The following SMOC2 variants were observed in gnomAD, a reference collection of about 807,000 sequenced individuals.
SMOC2 encodes the protein SPARC-related modular calcium-binding protein 2.
SMOC2 carries 39 observed loss-of-function variants against 61.4 expected under a neutral mutation model. The ratio of observed to expected loss-of-function variants is 0.64; its 90% CI spans 0.49 to 0.83. SMOC2 has a LOEUF of 0.83. Among genes scored for constraint, SMOC2 ranks in the 40% least tolerant of loss-of-function variants. The probability of loss-of-function intolerance (pLI) is 0.00; values close to 1 mark genes in which losing one functional copy is unlikely to be tolerated. For synonymous variants in SMOC2, 247 were observed against 239.9 expected, an observed-to-expected ratio of 1.03 and a Z score of -0.27; for missense variants, 556 against 592.9, an observed-to-expected ratio of 0.94 and a Z score of 0.65.
intron 7 of SMOC2, among the ~76,000 whole-genome samples, chr6:168,585,038 G>C (rs1033319712): frequency 1.3e-5 from 2 of 152,176 alleles, no homozygotes; most frequent in African/African-American, 4.8e-5. Flanking sequence ...GCTCACTGCA[G>C]CCTTGGTTAC....
intron 7 of SMOC2, among the ~76,000 whole-genome samples, chr6:168,554,594 G>A (rs1784204666): frequency 6.6e-6 from 1 of 152,228 alleles, no homozygotes; most frequent in Non-Finnish European, 1.5e-5. Context: ...TGCGTGTCCT[G>A]GAAGACCTTT....
chr6:168,619,614 T>A (rs931811936), intron 9 of SMOC2, among the ~76,000 whole-genome samples: 1 of 152,242 alleles, frequency 6.6e-6, no homozygotes, highest in African/African-American at 2.4e-5. Context: ...TCCTATCTTT[T>A]CTGAATTGAT....
intron 7 of SMOC2, among the ~76,000 whole-genome samples, chr6:168,577,671 A>G (rs1463791635): frequency 6.6e-6 from 1 of 152,134 alleles, no homozygotes; most frequent in Non-Finnish European, 1.5e-5. Flanking sequence ...GCAGTGATTC[A>G]TTCACTCCTG....
intron 2 of SMOC2, among the ~76,000 whole-genome samples, chr6:168,515,988 C>T (rs1783122669): frequency 1.3e-5 from 2 of 152,184 alleles, no homozygotes; most frequent in South Asian, 2.1e-4. Flanking sequence ...CTGGAGTGGG[C>T]GCTGGCTAGT....
intron 9 of SMOC2, 50 bp downstream of exon 9, chr6:168,608,289 G>C (rs1386084976): frequency 1.3e-6 from 2 of 1,567,770 alleles, no homozygotes; most frequent in African/African-American, 2.7e-5. Context: ...CCACCATGCA[G>C]TTTCTTGCAA....
At chr6:168,652,064 A>T (rs1787208578) in intron 10 of SMOC2, among the ~76,000 whole-genome samples, 1 of 151,270 alleles carries the variant, frequency 6.6e-6, no homozygotes, top group Non-Finnish European at 1.5e-5. Flanking sequence ...AAAAAATTTT[A>T]ATAGAGTCAA....
rs574715787 is a variant in SMOC2, at chr6:168,580,025, T to C, written c.638-18793T>C. On this transcript the variant is annotated intron_variant, in intron 7 of 12. Coordinates refer to ENST00000356284, the MANE Select transcript of SMOC2 (RefSeq NM_001166412.2). ...GTTAGTGTGGGAGGCAAATGGGACT[T>C]GGGAGGCATTCCCATCAGGGGCTCT... Among the ~76,000 whole-genome samples, 7 of 152,070 alleles carry C rather than the reference T, an allele frequency of 4.6e-5. No homozygotes were observed. In the South Asian group the frequency reaches 1.2e-3, roughly 27 times the overall value.
intron 2 of SMOC2, among the ~76,000 whole-genome samples, chr6:168,525,249 G>A (rs1165387116): frequency 2.6e-5 from 4 of 152,210 alleles, no homozygotes; most frequent in African/African-American, 4.8e-5. Context: ...ACGTGACGTC[G>A]TCTCCTGTGG....
At chr6:168,612,051 T>A (rs544829671) in intron 9 of SMOC2, among the ~76,000 whole-genome samples, 1 of 152,330 alleles carries the variant, frequency 6.6e-6, no homozygotes, top group South Asian at 2.1e-4. Flanking sequence ...CTTTTCCTAC[T>A]AGAAGACTTT....
chr6:168,540,325 A>G (rs934670241), intron 4 of SMOC2, among the ~76,000 whole-genome samples: 1 of 152,140 alleles, frequency 6.6e-6, no homozygotes. Flanking sequence ...AGTGGGGAGC[A>G]TTGCTCTTCC....
intron 7 of SMOC2, among the ~76,000 whole-genome samples, chr6:168,590,480 T>G (rs563055001): frequency 2.0e-4 from 30 of 152,222 alleles, no homozygotes; most frequent in Non-Finnish European, 2.5e-4. Flanking sequence ...TGGTGTCAGA[T>G]TGACACTTTC....
intron 9 of SMOC2, among the ~76,000 whole-genome samples, chr6:168,611,045 C>T (rs1785846785): frequency 1.3e-5 from 2 of 152,202 alleles, no homozygotes; most frequent in African/African-American, 4.8e-5. Context: ...TGATCACACT[C>T]TGGTTGGTGT....
intron 7 of SMOC2, among the ~76,000 whole-genome samples, chr6:168,566,733 T>C (rs1784552361): frequency 6.6e-6 from 1 of 152,126 alleles, no homozygotes; most frequent in African/African-American, 2.4e-5. Flanking sequence ...TCTCTTGACC[T>C]CATGATCTGC....
chr6:168,664,017 C>T, intron 11 of SMOC2, 57 bp from the exon 12 acceptor site: 1 of 1,444,670 alleles, frequency 6.9e-7, no homozygotes, highest in Non-Finnish European at 9.5e-7. Flanking sequence ...TGTGTTGAAC[C>T]TTTCATTAAA....
chr6:168,519,862 T>C (rs541179398), intron 2 of SMOC2, among the ~76,000 whole-genome samples: 1 of 152,358 alleles, frequency 6.6e-6, no homozygotes, highest in South Asian at 2.1e-4. Flanking sequence ...TACTGTAATA[T>C]AGTCTTGCAA....
At chr6:168,448,976 G>T (rs1175365806) in intron 1 of SMOC2, among the ~76,000 whole-genome samples, 2 of 152,066 alleles carry the variant, frequency 1.3e-5, no homozygotes, top group African/African-American at 4.8e-5. Flanking sequence ...TTGGTGTTGT[G>T]GGTCTAATGT....
intron 1 of SMOC2, among the ~76,000 whole-genome samples, chr6:168,507,527 C>G (rs1008849258): frequency 6.6e-6 from 1 of 152,230 alleles, no homozygotes; most frequent in Non-Finnish European, 1.5e-5. Context: ...AGCGTCTCAG[C>G]GGGTGGAGGA....
At chr6:168,517,073 A>G (rs1783156233) in intron 2 of SMOC2, among the ~76,000 whole-genome samples, 1 of 152,218 alleles carries the variant, frequency 6.6e-6, no homozygotes, top group Non-Finnish European at 1.5e-5. Context: ...ACAGGAATCT[A>G]ACTGTTGGTT....
rs1038079097 is a variant in SMOC2, at chr6:168,535,477, A to G, written c.463+7750A>G. 6.6e-6 allele frequency among the ~76,000 whole-genome samples: 1 copy of G among 152,140 alleles called. No individual in the cohort carries two copies. The highest frequency in any genetic ancestry group is 1.5e-5 in the Non-Finnish European group (1 of 68,028). On this transcript the variant is annotated intron_variant, in intron 4 of 12. Coordinates refer to ENST00000356284, the MANE Select transcript of SMOC2 (RefSeq NM_001166412.2). The surrounding 1 kb of genome is among the most constrained non-coding windows in gnomAD (Gnocchi z 4.6). ...TGTACTCAGACATTTTTCTCCTGCC[A>G]TTGAATCAGGGTCTCAAATCAGAAA...
Sources: allele counts gnomAD v4.1 joint callset (sites outside exome capture counted in the v4.1 genomes callset), GRCh38; gene constraint gnomAD v4.1.1; non-coding constraint Gnocchi (gnomAD v3.1); transcripts MANE v1.5; gene names NCBI Gene and HGNC (gene_info 2026-07-23, HGNC 2026-07-21).